The following CAST variants were observed in gnomAD, a reference collection of about 807,000 sequenced individuals.
CAST encodes calpastatin.
Under a neutral mutation model 119.6 loss-of-function variants are expected in CAST, and 76 were observed. The ratio of observed to expected loss-of-function variants is 0.64; its 90% CI spans 0.53 to 0.77. The LOEUF is 0.77. CAST is among the 30% of genes least tolerant of loss of function. The pLI, the probability that CAST is intolerant of heterozygous loss-of-function variation, is 0.00. For missense variants in CAST, 953 were observed against 946.5 expected (o/e 1.01, Z -0.09); for synonymous variants, 319 against 331.6 (o/e 0.96, Z 0.41).
intron 2 of CAST, among the ~76,000 whole-genome samples, chr5:96,681,488 C>T (rs1158923030): frequency 6.6e-6 from 1 of 151,964 alleles, no homozygotes; most frequent in African/African-American, 2.4e-5. Context: ...AATCCCAGCA[C>T]TTTGGGAGGC....
chr5:96,227,744 A>G, the CAST span, among the ~76,000 whole-genome samples: 1 of 152,132 alleles, frequency 6.6e-6, no homozygotes, highest in Non-Finnish European at 1.5e-5. Flanking sequence ...TCTATCTTAG[A>G]TATCAGTTTA....
chr5:96,405,620 G>A, the CAST span, among the ~76,000 whole-genome samples: 7 of 152,082 alleles, frequency 4.6e-5, no homozygotes, highest in South Asian at 2.1e-4. Context: ...GCAGTGAGCC[G>A]AGATCTTGCC....
chr5:96,588,196 CTTTTTTTTTT>C (rs140665192), intron 1 of CAST, among the ~76,000 whole-genome samples: 3 of 75,828 alleles, frequency 4.0e-5, no homozygotes, highest in African/African-American at 1.9e-4. Context: ...TTCTTTCTTT[CTTTTTTTTTT>C]TTTTTTTTTT....
At chr5:96,757,084 T>C (rs1766471882) in intron 22 of CAST, among the ~76,000 whole-genome samples, 1 of 152,308 alleles carries the variant, frequency 6.6e-6, no homozygotes, top group East Asian at 1.9e-4. Flanking sequence ...CACCCCCATG[T>C]AGGTAAAGGG....
intron 1 of CAST, among the ~76,000 whole-genome samples, chr5:96,670,418 C>A (rs1357283678): frequency 6.6e-6 from 1 of 152,210 alleles, no homozygotes; most frequent in African/African-American, 2.4e-5. Context: ...ATTTCATACT[C>A]TTTTCACAGC....
At chr5:96,167,408 C>G in the CAST span, among the ~76,000 whole-genome samples, 35 of 152,224 alleles carry the variant, frequency 2.3e-4, no homozygotes, top group Non-Finnish European at 4.1e-4. Context: ...CCAAGTTGGT[C>G]TGGTGTCTGG....
chr5:96,672,058 G>A (rs2150239416), intron 1 of CAST, among the ~76,000 whole-genome samples: 1 of 152,302 alleles, frequency 6.6e-6, no homozygotes, highest in Non-Finnish European at 1.5e-5. Flanking sequence ...CCTGTTAATT[G>A]TCTTAGGGTG....
chr5:96,359,974 C>A, the CAST span, among the ~76,000 whole-genome samples: 8 of 152,300 alleles, frequency 5.3e-5, no homozygotes, highest in East Asian at 1.4e-3. Context: ...GTACACCAAT[C>A]AAACATAGGT....
At position 96,534,947 on chromosome 5, in the gene CAST, G is replaced by GAAA. The variant is rs71617123; in HGVS notation, c.60+5067_60+5068insAAA. 1.5e-3 allele frequency among the ~76,000 whole-genome samples: 228 copies of GAAA among 149,494 alleles called. 13 individuals are homozygous for GAAA. The East Asian group carries it at 0.042, about 28-fold the overall frequency. ...GAATAAAGAAAGAAAGAAAGAGAAA[G>GAAA]GGAAAGAAAGAAAGAAAAAGAAAAC... On this transcript the variant is annotated intron_variant, in intron 1 of 11. Transcript: ENST00000505143.
At chr5:96,089,055 G>A in the CAST span, among the ~76,000 whole-genome samples, 1 of 148,290 alleles carries the variant, frequency 6.7e-6, no homozygotes, top group Non-Finnish European at 1.5e-5. Context: ...AGTGCAAGGA[G>A]CTCCAAAAAT....
chr5:96,458,997 T>C, the CAST span, among the ~76,000 whole-genome samples: 2 of 152,130 alleles, frequency 1.3e-5, no homozygotes, highest in Non-Finnish European at 2.9e-5. Context: ...TCCTTGAAGA[T>C]GGTTTGAAGG....
the CAST span, among the ~76,000 whole-genome samples, chr5:96,096,684 GCCCAGTTTAAGA>G: frequency 6.6e-5 from 10 of 152,062 alleles, no homozygotes; most frequent in Non-Finnish European, 1.5e-4. Context: ...TTGTTTGAAG[GCCCAGTTTAAGA>G]CCCTTTCCAT....
chr5:96,288,385 A>G, the CAST span, among the ~76,000 whole-genome samples: 2 of 152,204 alleles, frequency 1.3e-5, no homozygotes, highest in Non-Finnish European at 2.9e-5. Context: ...AAAAGAAGTC[A>G]TCTGAGAACC....
the CAST span, among the ~76,000 whole-genome samples, chr5:96,213,022 G>A: frequency 6.6e-6 from 1 of 152,132 alleles, no homozygotes; most frequent in Admixed American, 6.6e-5. Flanking sequence ...CAGCGGCTGA[G>A]GCAGGAGGAT....
At chr5:96,323,340 T>G in the CAST span, among the ~76,000 whole-genome samples, 6 of 152,310 alleles carry the variant, frequency 3.9e-5, no homozygotes, top group East Asian at 1.2e-3. Context: ...TTTTTAAGCT[T>G]TGGTTTCCAG....
At chr5:96,166,879 G>C in the CAST span, among the ~76,000 whole-genome samples, 1 of 151,626 alleles carries the variant, frequency 6.6e-6, no homozygotes, top group Non-Finnish European at 1.5e-5. Context: ...TAAAGTGTTG[G>C]GGTGGTGAAA....
the CAST span, among the ~76,000 whole-genome samples, chr5:96,262,680 C>T: frequency 9.9e-5 from 15 of 152,252 alleles, no homozygotes; most frequent in Admixed American, 2.0e-4. Flanking sequence ...CAGGCGCCTG[C>T]CACCACGCCC....
the CAST span, among the ~76,000 whole-genome samples, chr5:96,158,051 A>AC: frequency 2.2e-4 from 29 of 129,226 alleles, no homozygotes; most frequent in Non-Finnish European, 9.8e-5. Flanking sequence ...CCCCCCTTAC[A>AC]CCCCCCCAAA....
At chr5:96,301,427 A>G in the CAST span, among the ~76,000 whole-genome samples, 1 of 152,092 alleles carries the variant, frequency 6.6e-6, no homozygotes, top group Admixed American at 6.5e-5. Flanking sequence ...AAGCCTAATT[A>G]TGCCTTTCCA....
Sources: allele counts gnomAD v4.1 joint callset (sites outside exome capture counted in the v4.1 genomes callset), GRCh38; gene constraint gnomAD v4.1.1; transcripts MANE v1.5; gene names NCBI Gene and HGNC (gene_info 2026-07-23, HGNC 2026-07-21).